The following NBAS variants were observed in gnomAD, a reference collection of about 807,000 sequenced individuals.
The protein encoded by NBAS is NAG/BC035112 fusion.
Under a neutral mutation model 302.5 loss-of-function variants are expected in NBAS, and 219 were observed. The ratio of observed to expected loss-of-function variants is 0.72; its 90% confidence interval spans 0.65 to 0.81. The LOEUF is 0.81. Among genes scored for constraint, NBAS ranks in the 30% least tolerant of loss-of-function variants. The pLI is 0.00. For synonymous variants in NBAS, 1,118 were observed against 1,021.6 expected (o/e 1.09, Z -1.80); for missense variants, 2,932 against 2,841.6 (o/e 1.03, Z -0.72).
intron 51 of NBAS, among the ~76,000 whole-genome samples, chr2:15,172,187 T>C (rs1202701036): frequency 6.6e-6 from 1 of 152,182 alleles, no homozygotes; most frequent in Non-Finnish European, 1.5e-5. Flanking sequence ...TAGGAAAAAA[T>C]CACTTGCTAA....
At chr2:15,146,250 G>C in the NBAS span, among the ~76,000 whole-genome samples, 6 of 152,082 alleles carry the variant, frequency 3.9e-5, no homozygotes, top group Non-Finnish European at 7.3e-5. Context: ...TTGTGGTAAA[G>C]AATAAATAGA....
At chr2:15,130,186 A>G in the NBAS span, among the ~76,000 whole-genome samples, 3 of 152,138 alleles carry the variant, frequency 2.0e-5, no homozygotes, top group Non-Finnish European at 4.4e-5. Context: ...ACATAGCATA[A>G]TGTCTTTAGG....
chr2:15,307,696 C>T (rs1190801915), intron 40 of NBAS, among the ~76,000 whole-genome samples: 4 of 152,234 alleles, frequency 2.6e-5, no homozygotes, highest in African/African-American at 9.6e-5. Context: ...TACCTGCTTT[C>T]ACTTGGAAAT....
chr2:15,385,616 TG>T (rs914323019), intron 28 of NBAS, among the ~76,000 whole-genome samples: 1 of 152,192 alleles, frequency 6.6e-6, no homozygotes, highest in African/African-American at 2.4e-5. Context: ...GGAATAGATG[TG>T]GATTTCCCAG....
At chr2:15,245,623 A>G (rs1048009652) in intron 44 of NBAS, among the ~76,000 whole-genome samples, 1 of 151,086 alleles carries the variant, frequency 6.6e-6, no homozygotes, top group Non-Finnish European at 1.5e-5. Context: ...GGATGGATGG[A>G]TGGATGGATG....
chr2:15,311,911 C>T (rs1020559642), intron 38 of NBAS, among the ~76,000 whole-genome samples: 6 of 152,108 alleles, frequency 3.9e-5, no homozygotes, highest in South Asian at 2.1e-4. Flanking sequence ...CTTTTCACTG[C>T]TAACCTTACA....
intron 35 of NBAS, among the ~76,000 whole-genome samples, chr2:15,337,297 T>C (rs1423201199): frequency 2.0e-5 from 3 of 151,898 alleles, no homozygotes; most frequent in Non-Finnish European, 2.9e-5. Context: ...CCTGGAGGAC[T>C]CAGGGGGAAA....
intron 32 of NBAS, among the ~76,000 whole-genome samples, chr2:15,362,326 A>G (rs1308897096): frequency 1.3e-5 from 2 of 149,680 alleles, no homozygotes; most frequent in Non-Finnish European, 3.0e-5. Flanking sequence ...AAAAAAAAAA[A>G]AAAGAAAGAA....
At chr2:15,464,597 C>T (rs959780873) in intron 19 of NBAS, among the ~76,000 whole-genome samples, 1 of 152,090 alleles carries the variant, frequency 6.6e-6, no homozygotes, top group Non-Finnish European at 1.5e-5. Flanking sequence ...ATACTTCTTC[C>T]TTCTATTCTA....
chr2:15,148,310 T>C, the NBAS span, among the ~76,000 whole-genome samples: 4 of 152,140 alleles, frequency 2.6e-5, no homozygotes, highest in African/African-American at 9.6e-5. Context: ...AGAGGCCACA[T>C]CTAGTAGGGG....
the NBAS span, among the ~76,000 whole-genome samples, chr2:14,936,995 G>A: frequency 6.6e-6 from 1 of 152,170 alleles, no homozygotes; most frequent in Admixed American, 6.5e-5. Context: ...ATAACATTAA[G>A]TATTATAAAA....
chr2:15,516,763 C>T (rs1361288882), intron 9 of NBAS, among the ~76,000 whole-genome samples: 1 of 147,540 alleles, frequency 6.8e-6, no homozygotes, highest in Non-Finnish European at 1.5e-5. Context: ...AAGTTATTTA[C>T]AACACACAGA....
At position 15,186,735 on chromosome 2, in the gene NBAS, C is replaced by T. The variant is rs1268638639; in HGVS notation, c.6711+7G>A. 1 of 1,613,608 alleles carries T rather than the reference C, an allele frequency of 6.2e-7. No individual in the cohort carries two copies. Among genetic ancestry groups the T allele is most frequent in the Non-Finnish European group, 8.5e-7 (1 of 1,179,890 alleles). ...TCCTTAGGAAAGCACTCAAAATATCCACTCACCTCTGCAGGCAGCATCTGC... is the reference window on the plus strand; with the variant it reads ...TCCTTAGGAAAGCACTCAAAATATCTACTCACCTCTGCAGGCAGCATCTGC... On this transcript the variant is annotated splice_region_variant and intron_variant, in intron 50 of 51. Transcript: ENST00000281513.
chr2:15,415,631 T>C lies in NBAS; in HGVS notation c.2852A>G (p.Asn951Ser), dbSNP rs765326121. The change falls in exon 25 of 52, where the codon AAT becomes AGT. Residue 951 changes from asparagine to serine, a missense_variant. Physicochemically the swap from Asn to Ser is conservative, Grantham distance 46 (BLOSUM62 1). Coordinates refer to ENST00000281513, the MANE Select transcript of NBAS (RefSeq NM_015909.4). Reference sequence around the variant, plus strand: ...TACTAAATATTCTTTTAATAGCTCATTAGCCACACCAGGCGACTGTTTCTC... The same window carrying C: ...TACTAAATATTCTTTTAATAGCTCACTAGCCACACCAGGCGACTGTTTCTC... ...RCEKQSPGVANELLKEYLVTL... is the reference protein window; with the variant it reads ...RCEKQSPGVASELLKEYLVTL... 6 of 1,614,006 alleles carry C rather than the reference T, an allele frequency of 3.7e-6. No homozygotes were observed. In the African/African-American group the frequency reaches 8.0e-5, roughly 22 times the overall value.
At chr2:15,257,969 T>C (rs1668678278) in intron 44 of NBAS, among the ~76,000 whole-genome samples, 1 of 152,208 alleles carries the variant, frequency 6.6e-6, no homozygotes, top group Admixed American at 6.5e-5. Context: ...AAAACAATAT[T>C]TAAATCTCTA....
the NBAS span, among the ~76,000 whole-genome samples, chr2:14,981,117 A>G: frequency 6.6e-6 from 1 of 152,210 alleles, no homozygotes; most frequent in Non-Finnish European, 1.5e-5. Flanking sequence ...AAATGTTCCC[A>G]TAAATGAAGC....
At chr2:14,891,854 A>G in the NBAS span, among the ~76,000 whole-genome samples, 4 of 152,032 alleles carry the variant, frequency 2.6e-5, no homozygotes, top group South Asian at 2.1e-4. Flanking sequence ...ACATTCTACA[A>G]TTTTCTAAAA....
intron 23 of NBAS, among the ~76,000 whole-genome samples, chr2:15,422,048 AATGACACAT>A (rs1399905633): frequency 6.6e-6 from 1 of 152,110 alleles, no homozygotes; most frequent in Non-Finnish European, 1.5e-5. Flanking sequence ...ACAATTGCAT[AATGACACAT>A]ATCCACCATT....
At chr2:15,253,673 C>T (rs144847254) in intron 44 of NBAS, among the ~76,000 whole-genome samples, 1 of 152,168 alleles carries the variant, frequency 6.6e-6, no homozygotes, top group Non-Finnish European at 1.5e-5. Flanking sequence ...CCTTTGACAA[C>T]AGCCTTCAAC....
Sources: gnomAD v4.1 joint callset for allele counts (sites outside exome capture counted in the v4.1 genomes callset) on GRCh38, gnomAD v4.1.1 for gene constraint, MANE v1.5 for transcripts, NCBI Gene and HGNC (gene_info 2026-07-23, HGNC 2026-07-21) for gene names.